The following KLC1 variants were observed in gnomAD, a reference collection of about 807,000 sequenced individuals.
The protein encoded by KLC1 is kinesin 2 60/70kDa.
Under a neutral mutation model 84.2 loss-of-function variants are expected in KLC1, and 30 were observed. The observed-to-expected ratio is 0.36, with a 90% CI of 0.27 to 0.48. The LOEUF is 0.48. Among genes scored for constraint, KLC1 ranks in the 20% least tolerant of loss-of-function variants. KLC1 has a pLI of 0.99. For synonymous variants in KLC1, 289 were observed against 293.3 expected (o/e 0.99, Z 0.15); for missense variants, 499 against 805.4 (o/e 0.62, Z 4.60).
At chr14:103,663,420 G>GCCT (rs1200236344) in intron 5 of KLC1, among the ~76,000 whole-genome samples, 5 of 152,148 alleles carry the variant, frequency 3.3e-5, no homozygotes, top group Admixed American at 3.3e-4. Context: ...TGAATCAGAA[G>GCCT]AACAGATGCT....
chr14:103,694,850 A>C lies in KLC1; in HGVS notation c.1848+2425A>C. The C allele has an allele frequency of 1.0e-6, 1 of 985,510 alleles. No individual in the cohort carries two copies. Among genetic ancestry groups the C allele is most frequent in the South Asian group, 4.7e-5 (1 of 21,290 alleles). 61.0% of individuals were successfully genotyped at this position (985,510 alleles called of 1,614,324 possible). On this transcript the variant is annotated intron_variant, in intron 15 of 16. Coordinates refer to ENST00000334553, the MANE Select transcript of KLC1 (RefSeq NM_001394837.1). The surrounding 1 kb of genome is among the most constrained non-coding windows in gnomAD (Gnocchi z 4.5). ...AGGTTTTGTTACAAGGCTAGACTTTAAAATACCTTTCAAAGTTTCATCCCG... is the reference window on the plus strand; with the variant it reads ...AGGTTTTGTTACAAGGCTAGACTTTCAAATACCTTTCAAAGTTTCATCCCG...
At chr14:103,629,916 C>T (rs1389449198) in intron 1 of KLC1, among the ~76,000 whole-genome samples, 1 of 152,170 alleles carries the variant, frequency 6.6e-6, no homozygotes, top group Non-Finnish European at 1.5e-5. Flanking sequence ...GTGGCTGACC[C>T]CGGGATCGCG....
intron 1 of KLC1, among the ~76,000 whole-genome samples, chr14:103,640,562 G>T (rs1385005804): frequency 6.6e-6 from 1 of 151,756 alleles, no homozygotes; most frequent in African/African-American, 2.4e-5. Context: ...GGGTTTCACC[G>T]TGTTAACCAG....
chr14:103,698,847 G>T (rs200382220), intron 15 of KLC1: 2 of 1,607,536 alleles, frequency 1.2e-6, no homozygotes, highest in Admixed American at 1.7e-5. Context: ...GGCACTGATC[G>T]TGTAGGAACA....
intron 15 of KLC1, chr14:103,696,105 GCCCCCCC>G (rs1235958778): frequency 8.9e-5 from 34 of 380,778 alleles, no homozygotes; most frequent in Admixed American, 1.2e-4. Flanking sequence ...CCCGCCCCCC[GCCCCCCC>G]CCACAGCAGC....
At chr14:103,671,671 G>A (rs1287191096) in intron 7 of KLC1, among the ~76,000 whole-genome samples, 1 of 152,048 alleles carries the variant, frequency 6.6e-6, no homozygotes, top group Admixed American at 6.5e-5. Context: ...GCACCCAGCC[G>A]CACAAATGGT....
chr14:103,631,877 G>A (rs2076716086), intron 1 of KLC1, among the ~76,000 whole-genome samples: 2 of 152,094 alleles, frequency 1.3e-5, no homozygotes, highest in African/African-American at 4.8e-5. Flanking sequence ...AGGGTTACAG[G>A]TGTGAGCCAT....
intron 9 of KLC1, 124 bp from the exon 10 acceptor site, chr14:103,675,428 C>T: frequency 1.4e-6 from 1 of 696,822 alleles, no homozygotes; most frequent in South Asian, 1.9e-5. Context: ...ATTCAAAGTG[C>T]TCCAAAGTTT....
intron 16 of KLC1, 83 bp from the exon 17 acceptor site, chr14:103,701,096 GCAGACTTGGGGTGGGGGTTCCC>G: frequency 7.2e-7 from 1 of 1,396,152 alleles, no homozygotes; most frequent in Non-Finnish European, 9.9e-7. Context: ...TCTTCTCTAG[GCAGACTTGGGGTGGGGGTTCCC>G]CAGAGAGCTG....
intron 5 of KLC1, among the ~76,000 whole-genome samples, chr14:103,665,104 A>G (rs1279847840): frequency 6.6e-6 from 1 of 151,670 alleles, no homozygotes; most frequent in East Asian, 1.9e-4. Flanking sequence ...TCAGTATTCT[A>G]CCTTTCAGCT....
At chr14:103,658,241 G>A (rs2078969036) in intron 3 of KLC1, among the ~76,000 whole-genome samples, 1 of 152,062 alleles carries the variant, frequency 6.6e-6, no homozygotes. Context: ...TATCTGCAGG[G>A]GAAGAAACGA....
chr14:103,661,989 T>G, intron 3 of KLC1, 127 bp from the exon 4 acceptor site: 2 of 685,836 alleles, frequency 2.9e-6, no homozygotes, highest in Non-Finnish European at 5.1e-6. Context: ...CGATCCTACA[T>G]TTGATGTTAA....
At chr14:103,695,354 T>G in intron 15 of KLC1, 1 of 610,918 alleles carries the variant, frequency 1.6e-6, no homozygotes, top group Non-Finnish European at 2.0e-6. Context: ...TATATATATA[T>G]ATATATACAT....
At chr14:103,675,649 C>G in intron 10 of KLC1, 40 bp from the exon 11 acceptor site, 1 of 1,601,844 alleles carries the variant, frequency 6.2e-7, no homozygotes, top group Non-Finnish European at 8.6e-7. Context: ...ATACTGCATT[C>G]AAGATAATTA....
chr14:103,699,027 A>G (rs2151904748), intron 15 of KLC1: 2 of 1,578,460 alleles, frequency 1.3e-6, no homozygotes, highest in Non-Finnish European at 1.7e-6. Flanking sequence ...CCTGAGAAAC[A>G]GGAAGCAGGC....
At chr14:103,684,949 A>G (rs1291872893) in intron 13 of KLC1, 1 of 800,294 alleles carries the variant, frequency 1.2e-6, no homozygotes. Flanking sequence ...CACATTTTTG[A>G]GGTGTTGGTA....
In KLC1 at chr14:103,694,275, G is replaced by A. The variant is rs1486975576; in HGVS notation, c.1848+1850G>A. On this transcript the variant is annotated intron_variant, in intron 15 of 16. Coordinates refer to ENST00000334553, the MANE Select transcript of KLC1 (RefSeq NM_001394837.1). This position sits in a 1 kb window ranked among gnomAD's most constrained non-coding sequence, Gnocchi z 4.5. ...CTTTTTTTTTTTTTTTTTTTGAGACGGAGTCTAACTCTGTTGCCCAGGCTG... is the reference window on the plus strand; with the variant it reads ...CTTTTTTTTTTTTTTTTTTTGAGACAGAGTCTAACTCTGTTGCCCAGGCTG... The A allele has an allele frequency of 2.9e-4, 264 of 908,158 alleles. No homozygotes were observed. The African/African-American group carries it at 3.9e-3, about 14-fold the overall frequency. 56.3% of individuals were successfully genotyped at this position (908,158 alleles called of 1,614,324 possible).
chr14:103,675,706 G>T lies in KLC1; in HGVS notation c.1329G>T (p.Gly443=). ...REECKGKQKD[G]TSFGEYGGWY... is the part of the protein sequence containing the mutation. ...TAATTTAGGGAAAGCAAAAGGATGG[G>T]ACATCTTTTGGAGAGTATGGCGGCT... The change falls in exon 11 of 17, where the codon GGG becomes GGT. Residue 443 remains glycine (G), a synonymous_variant. Coordinates refer to ENST00000334553, the MANE Select transcript of KLC1 (RefSeq NM_001394837.1). 6.2e-7 allele frequency: 1 copy of T among 1,613,392 alleles called. No individual in the cohort carries two copies. The highest frequency in any genetic ancestry group is 8.5e-7 in the Non-Finnish European group (1 of 1,179,460).
At chr14:103,697,255 G>T in intron 15 of KLC1, 1 of 378,452 alleles carries the variant, frequency 2.6e-6, no homozygotes, top group South Asian at 1.1e-4. Context: ...GGGTCATAGA[G>T]AGCCTTGATA....
Sources: allele counts gnomAD v4.1 joint callset (sites outside exome capture counted in the v4.1 genomes callset), GRCh38; gene constraint gnomAD v4.1.1; non-coding constraint Gnocchi (gnomAD v3.1); transcripts MANE v1.5; gene names NCBI Gene and HGNC (gene_info 2026-07-23, HGNC 2026-07-21).